The following ACOXL variants were observed in gnomAD, a reference collection of about 807,000 sequenced individuals.
ACOXL encodes acyl-CoA oxidase like, also known as acyl-coenzyme A oxidase-like protein.
A neutral mutation model predicts 71.9 loss-of-function variants in ACOXL; 70 were observed. The ratio of observed to expected loss-of-function variants is 0.97; its 90% confidence interval spans 0.80 to 1.19. The LOEUF (loss-of-function observed/expected upper bound fraction) is 1.19, where lower values mean the gene tolerates loss of function less well. Among genes scored for constraint, ACOXL ranks in the 50% most tolerant of loss-of-function variants. The pLI is 0.00. For synonymous variants in ACOXL, 253 were observed against 281.6 expected (o/e 0.90, Z 1.02); for missense variants, 703 against 736.3 (o/e 0.95, Z 0.52).
intron 17 of ACOXL, among the ~76,000 whole-genome samples, chr2:111,107,474 GT>G (rs1009471940): frequency 6.6e-5 from 10 of 151,940 alleles, no homozygotes; most frequent in Admixed American, 5.9e-4. Flanking sequence ...GTTGTTGTTG[GT>G]TTTTTTGGTT....
intron 14 of ACOXL, among the ~76,000 whole-genome samples, chr2:110,999,790 CT>C (rs1489587423): frequency 6.6e-6 from 1 of 152,154 alleles, no homozygotes; most frequent in Non-Finnish European, 1.5e-5. Context: ...CATGAGTAAC[CT>C]TGGAAGTGTA....
At chr2:110,831,969 CTT>C (rs1457758358) in intron 9 of ACOXL, among the ~76,000 whole-genome samples, 1 of 151,964 alleles carries the variant, frequency 6.6e-6, no homozygotes, top group East Asian at 1.9e-4. Flanking sequence ...AACCATAAAA[CTT>C]TTAGAAAAAA....
chr2:110,907,744 T>C (rs930481965), intron 10 of ACOXL, among the ~76,000 whole-genome samples: 6 of 152,218 alleles, frequency 3.9e-5, no homozygotes, highest in Admixed American at 2.0e-4. Flanking sequence ...ACCAGACTTA[T>C]GAGATGCCTT....
intron 9 of ACOXL, among the ~76,000 whole-genome samples, chr2:110,838,149 G>C (rs940222324): frequency 9.2e-5 from 14 of 152,240 alleles, no homozygotes; most frequent in African/African-American, 3.4e-4. Flanking sequence ...ACACGTGTGT[G>C]CATGTATGTG....
intron 10 of ACOXL, among the ~76,000 whole-genome samples, chr2:110,908,318 G>A (rs2059533038): frequency 6.6e-6 from 1 of 152,226 alleles, no homozygotes; most frequent in African/African-American, 2.4e-5. Context: ...GGGGGGTTTA[G>A]GTGGGCTAAA....
intron 16 of ACOXL, among the ~76,000 whole-genome samples, chr2:111,063,702 C>A (rs539042702): frequency 2.5e-4 from 38 of 152,106 alleles, no homozygotes; most frequent in South Asian, 4.1e-4. Flanking sequence ...ATGCTGTCCC[C>A]CTAACACTAA....
At chr2:110,830,487 T>C (rs1217374044) in intron 9 of ACOXL, among the ~76,000 whole-genome samples, 1 of 152,118 alleles carries the variant, frequency 6.6e-6, no homozygotes, top group Non-Finnish European at 1.5e-5. Flanking sequence ...TCTTCGCTTG[T>C]ATTCTATATT....
At chr2:110,976,947 G>A (rs1287444454) in intron 12 of ACOXL, among the ~76,000 whole-genome samples, 1 of 152,110 alleles carries the variant, frequency 6.6e-6, no homozygotes, top group Non-Finnish European at 1.5e-5. Flanking sequence ...CCCCTTCTAG[G>A]AGAACAAAAA....
At chr2:110,917,933 AT>A (rs2059925186) in intron 11 of ACOXL, among the ~76,000 whole-genome samples, 1 of 152,238 alleles carries the variant, frequency 6.6e-6, no homozygotes, top group Non-Finnish European at 1.5e-5. Context: ...AAAACATTCC[AT>A]GCTTATGTAT....
At chr2:110,797,695 A>G (rs1317249289) in intron 5 of ACOXL, among the ~76,000 whole-genome samples, 1 of 152,212 alleles carries the variant, frequency 6.6e-6, no homozygotes, top group Non-Finnish European at 1.5e-5. Context: ...GAACACCAGC[A>G]GACAAAGTGC....
At chr2:110,830,415 C>G (rs1042005173) in intron 9 of ACOXL, among the ~76,000 whole-genome samples, 3 of 152,140 alleles carry the variant, frequency 2.0e-5, no homozygotes, top group African/African-American at 7.2e-5. Flanking sequence ...GTGTCTCTTT[C>G]CACAATAAAT....
At chr2:110,983,361 C>T (rs994683116) in intron 12 of ACOXL, among the ~76,000 whole-genome samples, 3 of 152,204 alleles carry the variant, frequency 2.0e-5, no homozygotes, top group Admixed American at 6.5e-5. Flanking sequence ...ATATTTATTG[C>T]AAATGCATGT....
intron 11 of ACOXL, among the ~76,000 whole-genome samples, chr2:110,923,022 C>T (rs1370111556): frequency 5.9e-5 from 9 of 152,160 alleles, no homozygotes; most frequent in Admixed American, 5.2e-4. Context: ...CCTCCTGCTT[C>T]TTTCATTCCC....
chr2:110,849,656 G>A (rs1030784272), intron 10 of ACOXL, among the ~76,000 whole-genome samples: 22 of 152,186 alleles, frequency 1.4e-4, no homozygotes, highest in African/African-American at 4.6e-4. Context: ...TACTCAAGAG[G>A]CTGAGGCAGG....
intron 9 of ACOXL, among the ~76,000 whole-genome samples, chr2:110,839,589 G>A (rs151241955): frequency 1.1e-4 from 16 of 152,184 alleles, no homozygotes; most frequent in South Asian, 2.1e-4. Flanking sequence ...TTTTGCAAAC[G>A]TAAGTCTCTG....
intron 2 of ACOXL, among the ~76,000 whole-genome samples, chr2:110,770,853 G>A (rs1030411557): frequency 6.6e-6 from 1 of 152,186 alleles, no homozygotes; most frequent in East Asian, 1.9e-4. Flanking sequence ...CTCAAGACCC[G>A]GATGTGAGAG....
At chr2:110,794,244 T>G in intron 5 of ACOXL, 70 bp downstream of exon 5, 1 of 1,455,340 alleles carries the variant, frequency 6.9e-7, no homozygotes, top group Non-Finnish European at 9.6e-7. Context: ...TCTCCTTCTT[T>G]CTGTGTCCAG....
At chr2:111,100,223 C>T (rs1212417547) in intron 17 of ACOXL, 1 of 152,618 alleles carries the variant, frequency 6.6e-6, no homozygotes, top group Non-Finnish European at 1.5e-5. Flanking sequence ...GGACCCTATT[C>T]AGTGTGGTGA....
intron 12 of ACOXL, among the ~76,000 whole-genome samples, chr2:110,983,804 T>C (rs905435240): frequency 6.6e-6 from 1 of 152,218 alleles, no homozygotes; most frequent in Non-Finnish European, 1.5e-5. Context: ...AAAATTTTTT[T>C]GAATTTCTTA....
Sources: gnomAD v4.1 joint callset for allele counts (sites outside exome capture counted in the v4.1 genomes callset) on GRCh38, gnomAD v4.1.1 for gene constraint, MANE v1.5 for transcripts, NCBI Gene and HGNC (gene_info 2026-07-23, HGNC 2026-07-21) for gene names.